MARCHF6: variants seen among roughly 807,000 people sequenced by gnomAD.
MARCHF6 encodes the protein membrane associated ring-CH-type finger 6, also known as E3 ubiquitin-protein ligase MARCHF6.
MARCHF6 carries 31 observed loss-of-function variants against 133.7 expected under a neutral mutation model. The observed-to-expected ratio is 0.23, with a 90% CI of 0.17 to 0.31. The LOEUF (loss-of-function observed/expected upper bound fraction) is 0.31, where lower values mean the gene tolerates loss of function less well. Ranked by LOEUF, MARCHF6 falls within the 10% of genes least tolerant of loss-of-function variation. The pLI, the probability that MARCHF6 is intolerant of heterozygous loss-of-function variation, is 1.00. For synonymous variants in MARCHF6, 395 were observed against 402.5 expected (o/e 0.98, Z 0.22); for missense variants, 723 against 1,121.6 (o/e 0.64, Z 5.08).
At chr5:10,367,994 A>G (rs1736234834) in intron 1 of MARCHF6, among the ~76,000 whole-genome samples, 1 of 152,174 alleles carries the variant, frequency 6.6e-6, no homozygotes, top group Admixed American at 6.5e-5. Context: ...GGCCTGAGCA[A>G]GATTCATAAT....
intron 17 of MARCHF6, among the ~76,000 whole-genome samples, chr5:10,409,852 G>T (rs1305037216): frequency 1.3e-5 from 2 of 152,106 alleles, no homozygotes; most frequent in Non-Finnish European, 2.9e-5. Context: ...TGGATGTGAG[G>T]TGTCAAAGGA....
At chr5:10,407,953 TC>T (rs11349150) in intron 17 of MARCHF6, among the ~76,000 whole-genome samples, 32,461 of 81,812 alleles carry the variant, frequency 0.4, 4,709 homozygotes, top group East Asian at 0.68. Context: ...TGAAACTGCA[TC>T]CCCCCCCCCC....
At position 10,434,421 on chromosome 5, in the gene MARCHF6, T is replaced by TG. The variant is rs957525950; in HGVS notation, c.*741dup. 2 of 152,616 alleles carry TG rather than the reference T, an allele frequency of 1.3e-5. No homozygotes were observed. Among genetic ancestry groups the TG allele is most frequent in the African/African-American group, 2.4e-5 (1 of 41,430 alleles). The allele number at this position is 152,616 out of a possible 1,614,324, so 9.5% of individuals were successfully genotyped here. A position where few individuals can be genotyped will look rare whatever the true frequency, so the allele number is the denominator to read the frequency against. ...ATCAGCATTGGGAGTTGGGTTTCAG[T>TG]GGGGCATGTCTATACTTAGAGAAAA... On this transcript the variant is annotated 3_prime_UTR_variant, in exon 26 of 26. Transcript: ENST00000274140.
chr5:10,387,783 C>T (rs1305807557), intron 5 of MARCHF6, among the ~76,000 whole-genome samples: 1 of 152,064 alleles, frequency 6.6e-6, no homozygotes, highest in Non-Finnish European at 1.5e-5. Context: ...ACTTCAGCCT[C>T]CTGAATAGCT....
At chr5:10,366,612 G>T (rs1445740092) in intron 1 of MARCHF6, among the ~76,000 whole-genome samples, 1 of 152,104 alleles carries the variant, frequency 6.6e-6, no homozygotes, top group African/African-American at 2.4e-5. Context: ...TTTAAAGGAA[G>T]AAAAAAGGGG....
chr5:10,360,977 C>T (rs1351917361), intron 1 of MARCHF6, among the ~76,000 whole-genome samples: 1 of 152,128 alleles, frequency 6.6e-6, no homozygotes, highest in Non-Finnish European at 1.5e-5. Flanking sequence ...ATGAAGATCA[C>T]TTATTTTTAG....
At chr5:10,360,462 G>A (rs1735758530) in intron 1 of MARCHF6, among the ~76,000 whole-genome samples, 1 of 152,112 alleles carries the variant, frequency 6.6e-6, no homozygotes, top group African/African-American at 2.4e-5. Flanking sequence ...TGATTGTGCA[G>A]GAGGTCGGTG....
At chr5:10,398,893 G>A (rs1283934203) in intron 10 of MARCHF6, among the ~76,000 whole-genome samples, 2 of 151,958 alleles carry the variant, frequency 1.3e-5, no homozygotes, top group Non-Finnish European at 2.9e-5. Context: ...TTAATCATTG[G>A]GATTAAACAC....
chr5:10,384,114 A>G (rs1162375246), intron 4 of MARCHF6, among the ~76,000 whole-genome samples: 1 of 152,222 alleles, frequency 6.6e-6, no homozygotes, highest in Non-Finnish European at 1.5e-5. Flanking sequence ...GAAAAAAAGA[A>G]TCATATCATT....
intron 11 of MARCHF6, 74 bp downstream of exon 11, chr5:10,400,916 A>T: frequency 8.6e-7 from 1 of 1,158,222 alleles, no homozygotes; most frequent in African/African-American, 1.5e-5. Flanking sequence ...ATAGTATTCT[A>T]AAGAGTTACA....
chr5:10,357,966 C>CT (rs34017407), intron 1 of MARCHF6, among the ~76,000 whole-genome samples: 1,406 of 108,470 alleles, frequency 0.013, 26 homozygotes, highest in African/African-American at 0.042. Context: ...GCATGGGTTG[C>CT]TTTTTTTTTT....
At chr5:10,392,503 A>G (rs1737922215) in intron 7 of MARCHF6, among the ~76,000 whole-genome samples, 1 of 152,132 alleles carries the variant, frequency 6.6e-6, no homozygotes, top group Non-Finnish European at 1.5e-5. Context: ...TAGAATGTAA[A>G]ATAAGATCCA....
chr5:10,372,072 A>G (rs1234046163), intron 1 of MARCHF6, among the ~76,000 whole-genome samples: 1 of 152,162 alleles, frequency 6.6e-6, no homozygotes, highest in Non-Finnish European at 1.5e-5. Flanking sequence ...AGGCCAAAAA[A>G]AAAAAAGAGA....
At chr5:10,421,103 A>G (rs1424488067) in intron 22 of MARCHF6, among the ~76,000 whole-genome samples, 2 of 152,228 alleles carry the variant, frequency 1.3e-5, no homozygotes, top group Admixed American at 1.3e-4. Context: ...AGTACTCAGC[A>G]TTACTTCTGA....
At position 10,391,710 on chromosome 5, in the gene MARCHF6, G is replaced by A; in HGVS notation, c.745G>A (p.Asp249Asn). 2 of 1,575,228 alleles carry A rather than the reference G, an allele frequency of 1.3e-6. No homozygotes were observed. Among genetic ancestry groups the A allele is most frequent in the Non-Finnish European group, 1.7e-6 (2 of 1,160,262 alleles). Reference sequence around the variant, plus strand: ...TGACGCTGGTGTGGAGGATGCGGCAGATGCTAATAACGGAGCCCAGGGTAA... The same window carrying A: ...TGACGCTGGTGTGGAGGATGCGGCAAATGCTAATAACGGAGCCCAGGGTAA... The part of the protein sequence containing the change: ...EDDAGVEDAA[D>N]ANNGAQDDMN... The change falls in exon 7 of 26, where the codon GAT becomes AAT. Residue 249 changes from aspartate to asparagine, a missense_variant. Asp to Asn is a conservative substitution (Grantham distance 23, BLOSUM62 1). Around this residue, in one of 4 missense-constraint regions of MARCHF6, gnomAD observed 97 missense variants for 115.4 expected, o/e 0.84. Coordinates refer to ENST00000274140, the MANE Select transcript of MARCHF6 (RefSeq NM_005885.4).
intron 25 of MARCHF6, 106 bp downstream of exon 25, chr5:10,430,134 T>C: frequency 7.6e-7 from 1 of 1,309,316 alleles, no homozygotes; most frequent in Non-Finnish European, 1.1e-6. Context: ...ATTCTGGATA[T>C]ACTTGGAGGT....
rs1740699020 is a variant in MARCHF6 at position 10,437,510 on chromosome 5, T to C, written c.*3826T>C. ...ATCATGAGTAAGGGCTTCTTTAAAA[T>C]AATCCCTGACAATATCTTTGGCATT... On this transcript the variant is annotated 3_prime_UTR_variant, in exon 26 of 26. Coordinates refer to ENST00000274140, the MANE Select transcript of MARCHF6 (RefSeq NM_005885.4). 1 of 152,246 alleles carries C rather than the reference T, an allele frequency of 6.6e-6. No homozygotes were observed. Among genetic ancestry groups the C allele is most frequent in the Non-Finnish European group, 1.5e-5 (1 of 68,042 alleles). The allele number at this position is 152,246 out of a possible 1,614,324, so 9.4% of individuals were successfully genotyped here. A position where few individuals can be genotyped will look rare whatever the true frequency, so the allele number is the denominator to read the frequency against.
chr5:10,426,678 T>A (rs1157854850), intron 24 of MARCHF6, among the ~76,000 whole-genome samples, 156 bp downstream of exon 24: 1 of 152,266 alleles, frequency 6.6e-6, no homozygotes, highest in Non-Finnish European at 1.5e-5. Flanking sequence ...TTTTCTTAGA[T>A]TTGACTATTC....
intron 10 of MARCHF6, 115 bp downstream of exon 10, chr5:10,397,459 T>A: frequency 1.4e-6 from 1 of 726,782 alleles, no homozygotes; most frequent in Non-Finnish European, 2.1e-6. Context: ...TACTAAGCAG[T>A]ATATGAAAAT....
Sources: gnomAD v4.1 joint callset for allele counts (sites outside exome capture counted in the v4.1 genomes callset) on GRCh38, gnomAD v4.1.1 for gene constraint, gnomAD v4.1.1 regional missense constraint, MANE v1.5 for transcripts, NCBI Gene and HGNC (gene_info 2026-07-23, HGNC 2026-07-21) for gene names.